The following CEP112 variants were observed in gnomAD, a reference collection of about 807,000 sequenced individuals.
The protein encoded by CEP112 is centrosomal protein 112.
A neutral mutation model predicts 153.0 loss-of-function variants in CEP112; 127 were observed. The observed-to-expected ratio is 0.83, with a 90% CI of 0.72 to 0.96. CEP112 has a LOEUF of 0.96. CEP112 is among the 40% of genes least tolerant of loss of function. The pLI is 0.00. For missense variants in CEP112, 1,089 were observed against 1,101.2 expected, an observed-to-expected ratio of 0.99 and a Z score of 0.16; for synonymous variants, 358 against 374.4, an observed-to-expected ratio of 0.96 and a Z score of 0.51.
At chr17:66,028,505 C>T (rs1394597863) in intron 14 of CEP112, 100 bp from the exon 15 acceptor site, 1 of 508,740 alleles carries the variant, frequency 2.0e-6, no homozygotes, top group South Asian at 4.6e-5. Flanking sequence ...CCTGAAAGTC[C>T]AATCAGAATT....
At chr17:66,158,592 A>G (rs1408231318) in intron 4 of CEP112, among the ~76,000 whole-genome samples, 1 of 152,166 alleles carries the variant, frequency 6.6e-6, no homozygotes, top group Non-Finnish European at 1.5e-5. Context: ...AGCCTGGATG[A>G]CAGAGCGAGA....
Position 66,075,883 on chromosome 17 carries a change from C to G in CEP112, c.769-5882G>C, listed in dbSNP as rs1472431578. ...GGAGACACCCCAAATACTGTGAGTT[C>G]CCAAACTGCAGAAGTGGGAAAGGGA... On this transcript the variant is annotated intron_variant, in intron 8 of 26. Transcript: ENST00000535342. Among the ~76,000 whole-genome samples, 4 of 152,142 alleles carry G rather than the reference C, an allele frequency of 2.6e-5. No homozygotes were observed. In the East Asian group the frequency reaches 7.7e-4, roughly 29 times the overall value.
intron 18 of CEP112, among the ~76,000 whole-genome samples, chr17:65,940,638 A>C (rs2061477423): frequency 6.6e-6 from 1 of 152,222 alleles, no homozygotes. Flanking sequence ...AGCCAAGCAC[A>C]GAAAGACAAA....
intron 21 of CEP112, chr17:65,826,100 T>A (rs1456438134): frequency 1.9e-6 from 3 of 1,590,502 alleles, no homozygotes; most frequent in Non-Finnish European, 2.6e-6. Flanking sequence ...TTCAGCAAGA[T>A]CCCTATGTCA....
intron 6 of CEP112, among the ~76,000 whole-genome samples, chr17:66,106,403 T>C (rs1222436654): frequency 6.6e-6 from 1 of 151,130 alleles, no homozygotes; most frequent in African/African-American, 2.4e-5. Context: ...TTCAACCAGA[T>C]GAAGTAGGAA....
intron 20 of CEP112, among the ~76,000 whole-genome samples, chr17:65,870,136 T>C (rs533318865): frequency 1.9e-4 from 28 of 150,142 alleles, no homozygotes; most frequent in Non-Finnish European, 3.9e-4. Flanking sequence ...TATGTGCTTA[T>C]CTGAAAGGGG....
At chr17:65,775,128 CTTTTG>C (rs2053603197) in intron 21 of CEP112, among the ~76,000 whole-genome samples, 1 of 152,080 alleles carries the variant, frequency 6.6e-6, no homozygotes, top group Non-Finnish European at 1.5e-5. Context: ...ATTTGACCAT[CTTTTG>C]GTCAACATAG....
intron 21 of CEP112, among the ~76,000 whole-genome samples, chr17:65,811,407 A>G (rs186698670): frequency 5.1e-4 from 78 of 152,302 alleles, no homozygotes; most frequent in African/African-American, 1.9e-3. Context: ...AACCTAACTG[A>G]GTTAGAAATG....
At chr17:65,679,556 T>A (rs896802605) in intron 24 of CEP112, among the ~76,000 whole-genome samples, 14 of 152,324 alleles carry the variant, frequency 9.2e-5, no homozygotes, top group African/African-American at 3.4e-4. Context: ...AGTTTTAAAA[T>A]CCTTTATGGA....
chr17:65,900,322 T>C (rs1042687962), intron 20 of CEP112, among the ~76,000 whole-genome samples: 2 of 152,132 alleles, frequency 1.3e-5, no homozygotes, highest in Non-Finnish European at 2.9e-5. Flanking sequence ...ACACGAAATA[T>C]GAGAAATACA....
chr17:65,848,342 G>A (rs940653648), intron 21 of CEP112, among the ~76,000 whole-genome samples: 1 of 152,142 alleles, frequency 6.6e-6, no homozygotes, highest in African/African-American at 2.4e-5. Context: ...CACATCCAGT[G>A]ACCTTTCTTC....
At chr17:65,680,628 C>T (rs1309591164) in intron 24 of CEP112, among the ~76,000 whole-genome samples, 7 of 152,172 alleles carry the variant, frequency 4.6e-5, no homozygotes, top group Non-Finnish European at 1.0e-4. Flanking sequence ...GTACCACCTA[C>T]TGAGGGAGTT....
At chr17:65,844,460 G>A (rs940137486) in intron 21 of CEP112, among the ~76,000 whole-genome samples, 47 of 152,158 alleles carry the variant, frequency 3.1e-4, no homozygotes, top group Middle Eastern at 6.8e-3. Context: ...CAAGGTGGGC[G>A]GATCACCTGA....
At chr17:65,831,000 A>G (rs1288264473) in intron 21 of CEP112, among the ~76,000 whole-genome samples, 1 of 152,256 alleles carries the variant, frequency 6.6e-6, no homozygotes, top group African/African-American at 2.4e-5. Flanking sequence ...AATGCTCACT[A>G]TAAGTCTTCC....
intron 6 of CEP112, among the ~76,000 whole-genome samples, chr17:66,110,499 A>T (rs2068980388): frequency 6.6e-6 from 1 of 152,090 alleles, no homozygotes; most frequent in South Asian, 2.1e-4. Context: ...TGAGAAAAGA[A>T]GGGAATGTTC....
intron 4 of CEP112, among the ~76,000 whole-genome samples, chr17:66,172,082 GATTAA>G (rs2072266800): frequency 1.3e-5 from 2 of 152,186 alleles, no homozygotes; most frequent in Admixed American, 1.3e-4. Context: ...ATTTTGTACA[GATTAA>G]ATTAAATATG....
At chr17:65,967,976 C>T (rs113432706) in intron 17 of CEP112, among the ~76,000 whole-genome samples, 71 of 152,146 alleles carry the variant, frequency 4.7e-4, no homozygotes, top group African/African-American at 1.6e-3. Flanking sequence ...ATGCTATTTT[C>T]GTTTATGTCC....
intron 24 of CEP112, among the ~76,000 whole-genome samples, chr17:65,654,153 C>T (rs961048868): frequency 6.6e-6 from 1 of 150,836 alleles, no homozygotes. Flanking sequence ...AGAAAATGTA[C>T]CGCCTTCTAA....
At chr17:65,850,123 C>T (rs2057873146) in intron 21 of CEP112, among the ~76,000 whole-genome samples, 1 of 138,884 alleles carries the variant, frequency 7.2e-6, no homozygotes, top group Non-Finnish European at 1.5e-5. Flanking sequence ...CACTGCACTC[C>T]AGCCTGGGCG....
Sources: allele counts gnomAD v4.1 joint callset (sites outside exome capture counted in the v4.1 genomes callset), GRCh38; gene constraint gnomAD v4.1.1; transcripts MANE v1.5; gene names NCBI Gene and HGNC (gene_info 2026-07-23, HGNC 2026-07-21).